Variants in SLC1A2 observed in about 807,000 individuals in gnomAD.
SLC1A2 encodes the protein excitatory amino acid transporter 2.
Under a neutral mutation model 48.8 loss-of-function variants are expected in SLC1A2, and 15 were observed. The observed-to-expected ratio is 0.31, with a 90% CI of 0.21 to 0.47. The LOEUF is 0.47. Among genes scored for constraint, SLC1A2 ranks in the 20% least tolerant of loss-of-function variants. The probability of loss-of-function intolerance (pLI) is 0.99; values close to 1 mark genes in which losing one functional copy is unlikely to be tolerated. For missense variants in SLC1A2, 502 were observed against 730.5 expected (o/e 0.69, Z 3.61); for synonymous variants, 279 against 272.6 (o/e 1.02, Z -0.23).
intron 10 of SLC1A2, 80 bp downstream of exon 10, chr11:35,265,447 T>C: frequency 1.3e-6 from 1 of 749,802 alleles, no homozygotes; most frequent in Non-Finnish European, 2.2e-6. Context: ...CATGCAGGGC[T>C]TTACGGTTTT....
chr11:35,355,399 C>A (rs1370869992), intron 1 of SLC1A2, among the ~76,000 whole-genome samples: 1 of 152,138 alleles, frequency 6.6e-6, no homozygotes, highest in South Asian at 2.1e-4. Flanking sequence ...GGCTTTTTTT[C>A]TGTGTTTTTC....
chr11:35,275,677 G>A lies in SLC1A2; in HGVS notation c.1421+5190C>T, dbSNP rs571832210. On this transcript the variant is annotated intron_variant, in intron 9 of 10. Transcript: ENST00000278379. ...GAGGCTGGCTGGTCTCCAGCAGTTG[G>A]CAAACACTGTGACACATTAAATGTC... is the stretch of plus-strand genomic sequence containing the variant. Among the ~76,000 whole-genome samples, 3 of 152,326 alleles carry A rather than the reference G, an allele frequency of 2.0e-5. No homozygotes were observed. In the South Asian group the frequency reaches 6.2e-4, roughly 32 times the overall value.
At chr11:35,335,765 C>A (rs1242565217) in intron 1 of SLC1A2, among the ~76,000 whole-genome samples, 1 of 152,030 alleles carries the variant, frequency 6.6e-6, no homozygotes, top group Non-Finnish European at 1.5e-5. Context: ...GAGTTCAAGA[C>A]CAACCTGAGC....
chr11:35,372,919 T>C (rs960309744), intron 1 of SLC1A2, among the ~76,000 whole-genome samples: 8 of 152,122 alleles, frequency 5.3e-5, no homozygotes, highest in South Asian at 2.1e-4. Context: ...ATTTTACAGG[T>C]GGGGAAACTG....
In SLC1A2 at chr11:35,251,744, G is replaced by T. The variant is rs952601174; in HGVS notation, c.*9150C>A. The T allele has an allele frequency of 6.6e-6, 1 of 152,622 alleles. No individual in the cohort carries two copies. Among genetic ancestry groups the T allele is most frequent in the Non-Finnish European group, 1.5e-5 (1 of 68,036 alleles). 9.5% of individuals were successfully genotyped at this position (152,622 alleles called of 1,614,324 possible). A position where few individuals can be genotyped will look rare whatever the true frequency, so the allele number is the denominator to read the frequency against. On this transcript the variant is annotated 3_prime_UTR_variant, in exon 11 of 11. Transcript: ENST00000278379. ...TATCTCCTCATATGAAGCAGCCACTGCAAATTAATGTGCTTCATGCCCCCT... is the reference window on the plus strand; with the variant it reads ...TATCTCCTCATATGAAGCAGCCACTTCAAATTAATGTGCTTCATGCCCCCT...
At chr11:35,329,453 C>T (rs968120355) in intron 1 of SLC1A2, among the ~76,000 whole-genome samples, 7 of 152,148 alleles carry the variant, frequency 4.6e-5, no homozygotes, top group African/African-American at 1.4e-4. Context: ...GGAGGCTGCA[C>T]CTGAATGTGA....
chr11:35,274,797 C>G (rs978759009), intron 9 of SLC1A2, among the ~76,000 whole-genome samples: 4 of 152,216 alleles, frequency 2.6e-5, no homozygotes, highest in Non-Finnish European at 5.9e-5. Context: ...GACTTTCAAA[C>G]GAGCCCATGT....
intron 1 of SLC1A2, among the ~76,000 whole-genome samples, chr11:35,399,145 C>T (rs910679733): frequency 1.8e-4 from 28 of 152,140 alleles, no homozygotes; most frequent in African/African-American, 6.8e-4. Context: ...AAAAAGCAAG[C>T]CTACCCACGG....
At chr11:35,353,904 A>T (rs1853360513) in intron 1 of SLC1A2, among the ~76,000 whole-genome samples, 1 of 152,192 alleles carries the variant, frequency 6.6e-6, no homozygotes, top group Non-Finnish European at 1.5e-5. Flanking sequence ...TGATCATAGG[A>T]CTTAGTGCAA....
intron 1 of SLC1A2, among the ~76,000 whole-genome samples, chr11:35,383,170 G>A (rs1306255339): frequency 1.3e-5 from 2 of 152,044 alleles, no homozygotes; most frequent in East Asian, 1.9e-4. Flanking sequence ...GAATATAGTG[G>A]GGAAACTCTG....
rs1002691457 is a variant in SLC1A2, at chr11:35,304,195, T to G, written c.730+1879A>C. Among the ~76,000 whole-genome samples the G allele has an allele frequency of 3.3e-5, 5 of 152,256 alleles. 1 individual carries two copies. In the South Asian group the frequency reaches 1.0e-3, roughly 32 times the overall value. ...AGTGAGTTGTGTTGAAACTCCCCAG[T>G]AGAGCCAAAGGTCCTGTGACTTCCC... is the stretch of plus-strand genomic sequence containing the variant. On this transcript the variant is annotated intron_variant, in intron 5 of 10. Transcript: ENST00000278379.
At chr11:35,306,399 T>A (rs979319433) in intron 4 of SLC1A2, among the ~76,000 whole-genome samples, 157 bp from the exon 5 acceptor site, 6 of 152,226 alleles carry the variant, frequency 3.9e-5, no homozygotes, top group Middle Eastern at 3.2e-3. Context: ...ATATTTTATA[T>A]GTCTATATTT....
intron 1 of SLC1A2, among the ~76,000 whole-genome samples, chr11:35,368,019 T>C (rs957732888): frequency 1.3e-4 from 20 of 152,216 alleles, no homozygotes. Context: ...TAAAAAGTAT[T>C]AGACGGTGTT....
intron 5 of SLC1A2, among the ~76,000 whole-genome samples, chr11:35,305,798 C>T (rs1193096835): frequency 6.6e-6 from 1 of 152,214 alleles, no homozygotes; most frequent in East Asian, 1.9e-4. Flanking sequence ...TCTAACACCA[C>T]ACAGAGAGTC....
rs77648474 is a variant in SLC1A2 at position 35,342,971 on chromosome 11, T to C, written c.18-25455A>G. Reference sequence around the variant, plus strand: ...GTCTTGACCACCTATATTCAACTACTAGGACATCTTTTCCAGAATGGAACA... The same window carrying C: ...GTCTTGACCACCTATATTCAACTACCAGGACATCTTTTCCAGAATGGAACA... On this transcript the variant is annotated intron_variant, in intron 1 of 10. Coordinates refer to ENST00000278379, the MANE Select transcript of SLC1A2 (RefSeq NM_004171.4). 8.9e-3 allele frequency among the ~76,000 whole-genome samples: 1,357 copies of C among 152,290 alleles called. 17 individuals carry two copies. Among genetic ancestry groups the C allele is most frequent in the African/African-American group, 0.031 (1,290 of 41,542 alleles).
At position 35,255,512 on chromosome 11, in the gene SLC1A2, A is replaced by G. The variant is rs1167805194; in HGVS notation, c.*5382T>C. On this transcript the variant is annotated 3_prime_UTR_variant, in exon 11 of 11. Coordinates refer to ENST00000278379, the MANE Select transcript of SLC1A2 (RefSeq NM_004171.4). Reference sequence around the variant, plus strand: ...CTGGCGGAGAAGAAAAGATATTTACAAACAGTTGCCGTGATTGTGCAAGTG... The same window carrying G: ...CTGGCGGAGAAGAAAAGATATTTACGAACAGTTGCCGTGATTGTGCAAGTG... 1 of 152,260 alleles carries G rather than the reference A, an allele frequency of 6.6e-6. No individual in the cohort carries two copies. The highest frequency in any genetic ancestry group is 6.5e-5 in the Admixed American group (1 of 15,284). The allele number at this position is 152,260 out of a possible 1,614,324, so 9.4% of individuals were successfully genotyped here.
chr11:35,337,915 T>C (rs1852690815), intron 1 of SLC1A2, among the ~76,000 whole-genome samples: 1 of 152,194 alleles, frequency 6.6e-6, no homozygotes, highest in African/African-American at 2.4e-5. Flanking sequence ...ATCTAATTAG[T>C]ATTATAATTA....
chr11:35,408,454 A>T (rs1013502773), intron 1 of SLC1A2, among the ~76,000 whole-genome samples: 1 of 152,110 alleles, frequency 6.6e-6, no homozygotes, highest in Non-Finnish European at 1.5e-5. Context: ...ACAAGATCTG[A>T]TGGGTTTATC....
chr11:35,375,668 A>G (rs922134695), intron 1 of SLC1A2, among the ~76,000 whole-genome samples: 5 of 152,080 alleles, frequency 3.3e-5, no homozygotes, highest in Non-Finnish European at 7.4e-5. Flanking sequence ...CAAAGTCGTC[A>G]CTCTGGTCAG....
Sources: allele counts gnomAD v4.1 joint callset (sites outside exome capture counted in the v4.1 genomes callset), GRCh38; gene constraint gnomAD v4.1.1; transcripts MANE v1.5; gene names NCBI Gene and HGNC (gene_info 2026-07-23, HGNC 2026-07-21).